SEL1L2: variants seen among roughly 807,000 people sequenced by gnomAD.
The protein encoded by SEL1L2 is protein sel-1 homolog 2.
In SEL1L2, 89 loss-of-function variants were observed where a neutral mutation model predicts 98.8. The ratio of observed to expected loss-of-function variants is 0.90; its 90% confidence interval spans 0.76 to 1.07. SEL1L2 has a LOEUF of 1.07. Ranked by LOEUF, SEL1L2 falls within the 50% of genes least tolerant of loss-of-function variation. SEL1L2 has a pLI of 0.00. For synonymous variants in SEL1L2, 262 were observed against 278.5 expected (o/e 0.94, Z 0.59); for missense variants, 788 against 812.0 (o/e 0.97, Z 0.36).
Position 13,853,599 on chromosome 20 carries a change from T to C in SEL1L2, c.1819-3280A>G, listed in dbSNP as rs1988661729. 2.6e-5 allele frequency among the ~76,000 whole-genome samples: 4 copies of C among 152,216 alleles called. No individual in the cohort carries two copies. In the South Asian group the frequency reaches 8.3e-4, roughly 31 times the overall value. Reference sequence around the variant, plus strand: ...ATACTTACTGTGTGCCAGTTACCACTGTCATTTAATCTTCAGGACAATTCT... The same window carrying C: ...ATACTTACTGTGTGCCAGTTACCACCGTCATTTAATCTTCAGGACAATTCT... On this transcript the variant is annotated intron_variant, in intron 18 of 19. Coordinates refer to ENST00000284951, the MANE Select transcript of SEL1L2 (RefSeq NM_025229.2).
chr20:13,859,562 GGAACCA>G, intron 17 of SEL1L2, 128 bp from the exon 18 acceptor site: 1 of 781,278 alleles, frequency 1.3e-6, no homozygotes, highest in South Asian at 2.1e-5. Context: ...AGTATAAAAA[GGAACCA>G]AAAACACTCA....
In SEL1L2 at chr20:13,877,591, G is replaced by A. The variant is rs770424703; in HGVS notation, c.958-3C>T. On this transcript the variant is annotated splice_region_variant and splice_polypyrimidine_tract_variant and intron_variant, in intron 10 of 19. Coordinates refer to ENST00000284951, the MANE Select transcript of SEL1L2 (RefSeq NM_025229.2). Reference sequence around the variant, plus strand: ...TTTAAGAAGTAGTGTAATGCTTTCTGGAGAGAAAAGGAACAGTGTTATTGC... The same window carrying A: ...TTTAAGAAGTAGTGTAATGCTTTCTAGAGAGAAAAGGAACAGTGTTATTGC... 1.2e-6 allele frequency: 2 copies of A among 1,610,218 alleles called. No homozygotes were observed. The highest frequency in any genetic ancestry group is 2.2e-5 in the East Asian group (1 of 44,858).
chr20:13,855,079 G>A lies in SEL1L2; in HGVS notation c.1818+4183C>T, dbSNP rs1023228230. Among the ~76,000 whole-genome samples the A allele has an allele frequency of 2.0e-5, 3 of 151,814 alleles. No individual in the cohort carries two copies. In the South Asian group the frequency reaches 6.2e-4, roughly 31 times the overall value. On this transcript the variant is annotated intron_variant, in intron 18 of 19. Transcript: ENST00000284951. ...AAAAAAAAAAAAAAAAAAAAATCTG[G>A]GGTTCCTTGAGGGATTCCTAGAGGA...
chr20:13,987,408 C>T (rs1294675264), intron 1 of SEL1L2, among the ~76,000 whole-genome samples: 1 of 149,870 alleles, frequency 6.7e-6, no homozygotes, highest in Non-Finnish European at 1.5e-5. Context: ...TGCAGTGGTG[C>T]GATCTCGGCT....
intron 1 of SEL1L2, among the ~76,000 whole-genome samples, chr20:13,981,161 G>T (rs1366820085): frequency 6.6e-6 from 1 of 152,202 alleles, no homozygotes; most frequent in East Asian, 1.9e-4. Flanking sequence ...AGAATCACTT[G>T]AACTCGGGAG....
chr20:13,922,607 G>A (rs749811166), intron 3 of SEL1L2, among the ~76,000 whole-genome samples: 12 of 152,208 alleles, frequency 7.9e-5, no homozygotes, highest in East Asian at 1.9e-4. Flanking sequence ...TAGATTTTCC[G>A]CAGAGGAAAA....
intron 2 of SEL1L2, among the ~76,000 whole-genome samples, chr20:13,953,988 C>T (rs2050396600): frequency 1.3e-5 from 2 of 152,178 alleles, no homozygotes; most frequent in Admixed American, 1.3e-4. Context: ...GGAAATAGCA[C>T]ACAGAACTCC....
intron 5 of SEL1L2, among the ~76,000 whole-genome samples, chr20:13,909,106 GCT>G (rs956733121): frequency 6.7e-6 from 1 of 148,578 alleles, no homozygotes; most frequent in Middle Eastern, 3.5e-3. Flanking sequence ...TCTCAGTCTC[GCT>G]CTCTCTCTCT....
chr20:13,869,654 T>C, intron 13 of SEL1L2, 64 bp from the exon 14 acceptor site: 1 of 1,250,522 alleles, frequency 8.0e-7, no homozygotes. Context: ...ACAATTGCCT[T>C]CCACTTCTTA....
At chr20:13,891,244 A>G (rs2047191803) in intron 5 of SEL1L2, among the ~76,000 whole-genome samples, 2 of 152,238 alleles carry the variant, frequency 1.3e-5, no homozygotes, top group African/African-American at 4.8e-5. Context: ...ATGGTAAAGA[A>G]TGTTAAAAAC....
rs1210577810 is a variant in SEL1L2 at position 13,980,122 on chromosome 20, A to G, written c.58+10355T>C. On this transcript the variant is annotated intron_variant, in intron 1 of 19. Coordinates refer to ENST00000284951, the MANE Select transcript of SEL1L2 (RefSeq NM_025229.2). ...GAGAAAATGTTCAATATCACTAATC[A>G]TCAGGAAAATGCAAATTAAAATCAC... Among the ~76,000 whole-genome samples, 3 of 152,252 alleles carry G rather than the reference A, an allele frequency of 2.0e-5. No individual in the cohort carries two copies. The East Asian group carries it at 5.8e-4, about 29-fold the overall frequency.
chr20:13,915,207 TCAGA>T, intron 4 of SEL1L2: 1 of 1,289,400 alleles, frequency 7.8e-7, no homozygotes, highest in East Asian at 5.6e-5. Flanking sequence ...AAGAAGGACC[TCAGA>T]CAGAGAAACA....
At chr20:13,906,204 A>G (rs1303222925) in intron 5 of SEL1L2, among the ~76,000 whole-genome samples, 1 of 152,096 alleles carries the variant, frequency 6.6e-6, no homozygotes, top group Non-Finnish European at 1.5e-5. Flanking sequence ...GAACTTAACC[A>G]TTATGCTGTG....
At chr20:13,908,417 T>A (rs2024616134) in intron 5 of SEL1L2, among the ~76,000 whole-genome samples, 1 of 152,172 alleles carries the variant, frequency 6.6e-6, no homozygotes, top group African/African-American at 2.4e-5. Flanking sequence ...AGCCACCGTG[T>A]CTGGCCATTT....
intron 18 of SEL1L2, among the ~76,000 whole-genome samples, chr20:13,853,184 T>C (rs1988553036): frequency 6.6e-6 from 1 of 152,168 alleles, no homozygotes. Flanking sequence ...AGTGTCCTAA[T>C]ATATTCCGCT....
At chr20:13,906,445 C>A (rs920907213) in intron 5 of SEL1L2, among the ~76,000 whole-genome samples, 1 of 152,114 alleles carries the variant, frequency 6.6e-6, no homozygotes, top group Non-Finnish European at 1.5e-5. Flanking sequence ...GTGATCATTA[C>A]TTTTAGCTCA....
At chr20:13,869,331 C>G (rs1158519301) in intron 14 of SEL1L2, among the ~76,000 whole-genome samples, 172 bp downstream of exon 14, 3 of 152,180 alleles carry the variant, frequency 2.0e-5, no homozygotes, top group Non-Finnish European at 4.4e-5. Context: ...TCCTTGTCCC[C>G]CCTCCCAACC....
chr20:13,973,257 C>T (rs562416823), intron 1 of SEL1L2: 3 of 152,114 alleles, frequency 2.0e-5, no homozygotes, highest in Non-Finnish European at 2.9e-5. Context: ...ATTAAGTAAC[C>T]TCTCTAAATA....
chr20:13,886,452 A>C lies in SEL1L2; in HGVS notation c.746-10T>G. 1 of 1,611,892 alleles carries C rather than the reference A, an allele frequency of 6.2e-7. No individual in the cohort carries two copies. The highest frequency in any genetic ancestry group is 8.5e-7 in the Non-Finnish European group (1 of 1,179,328). On this transcript the variant is annotated splice_polypyrimidine_tract_variant and intron_variant, in intron 8 of 19. Transcript: ENST00000284951. ...TCAAATGTGTCAGCAACTGTGAATAAAAACAAGCCAGAGAATAGCTAGAAA... is the reference window on the plus strand; with the variant it reads ...TCAAATGTGTCAGCAACTGTGAATACAAACAAGCCAGAGAATAGCTAGAAA...
Sources: gnomAD v4.1 joint callset for allele counts (sites outside exome capture counted in the v4.1 genomes callset) on GRCh38, gnomAD v4.1.1 for gene constraint, MANE v1.5 for transcripts, NCBI Gene and HGNC (gene_info 2026-07-23, HGNC 2026-07-21) for gene names.